Variants in SLC36A3 observed in about 807,000 individuals in gnomAD.
SLC36A3 encodes proton-coupled amino acid transporter 3.
A neutral mutation model predicts 44.3 loss-of-function variants in SLC36A3; 35 were observed. The observed-to-expected ratio is 0.79, with a 90% CI of 0.60 to 1.05. The LOEUF is 1.05. Ranked by LOEUF, SLC36A3 falls within the 50% of genes least tolerant of loss-of-function variation. The pLI is 0.00. For synonymous variants in SLC36A3, 211 were observed against 227.6 expected (o/e 0.93, Z 0.66); for missense variants, 540 against 578.7 (o/e 0.93, Z 0.69).
intron 3 of SLC36A3, 22 bp from the exon 4 acceptor site, chr5:151,293,481 T>C (rs1430846151): frequency 1.9e-6 from 3 of 1,583,300 alleles, no homozygotes; most frequent in Non-Finnish European, 2.6e-6. Flanking sequence ...GAACAAACAA[T>C]GCATAATTTA....
At position 151,277,192 on chromosome 5, in the gene SLC36A3, C is replaced by T. The variant is rs1425058813; in HGVS notation, c.*201G>A. On this transcript the variant is annotated 3_prime_UTR_variant, in exon 10 of 10. Transcript: ENST00000335230. ...ATTTTGGTTCAGAGGTACAAAAGGC[C>T]ATCCAAAAAATATAAAACCAAAAGA... is the stretch of plus-strand genomic sequence containing the variant. 3 of 674,406 alleles carry T rather than the reference C, an allele frequency of 4.4e-6. No homozygotes were observed. The African/African-American group carries it at 5.4e-5, about 12-fold the overall frequency. 41.8% of individuals were successfully genotyped at this position (674,406 alleles called of 1,614,324 possible).
At chr5:151,281,830 A>C (rs1754329148) in intron 8 of SLC36A3, among the ~76,000 whole-genome samples, 1 of 152,158 alleles carries the variant, frequency 6.6e-6, no homozygotes, top group Admixed American at 6.5e-5. Flanking sequence ...TCAAACAAAC[A>C]AACAAAAAAG....
At chr5:151,300,584 T>C (rs971388208) in intron 1 of SLC36A3, among the ~76,000 whole-genome samples, 3 of 152,202 alleles carry the variant, frequency 2.0e-5, no homozygotes, top group Non-Finnish European at 2.9e-5. Flanking sequence ...CATGACAGCA[T>C]CGATGTCTTG....
chr5:151,299,705 C>T (rs143668875), intron 1 of SLC36A3, among the ~76,000 whole-genome samples: 86 of 152,218 alleles, frequency 5.6e-4, no homozygotes, highest in African/African-American at 2.0e-3. Flanking sequence ...CCAGCTCTGC[C>T]GCTAACCTAC....
At chr5:151,302,172 A>C (rs564664285) in intron 1 of SLC36A3, among the ~76,000 whole-genome samples, 12 of 152,368 alleles carry the variant, frequency 7.9e-5, no homozygotes, top group Admixed American at 7.8e-4. Flanking sequence ...TTGCCAAATA[A>C]ATATTTGTAT....
In SLC36A3 at chr5:151,277,293, A is replaced by C. The variant is rs1038702863; in HGVS notation, c.*100T>G. ...TGGAAAGATAAAGACGCCACTAATT[A>C]ATATAGAGATGTTGGGATTTGATGA... is the stretch of plus-strand genomic sequence containing the variant. On this transcript the variant is annotated 3_prime_UTR_variant, in exon 10 of 10. Transcript: ENST00000335230. 7.7e-6 allele frequency: 11 copies of C among 1,437,246 alleles called. No homozygotes were observed. Among genetic ancestry groups the C allele is most frequent in the African/African-American group, 2.9e-5 (2 of 70,160 alleles). 89.0% of individuals were successfully genotyped at this position (1,437,246 alleles called of 1,614,324 possible).
Position 151,288,426 on chromosome 5 carries a change from C to T in SLC36A3, c.449G>A (p.Cys150Tyr), listed in dbSNP as rs77996853. 2 of 1,601,334 alleles carry T rather than the reference C, an allele frequency of 1.2e-6. No individual in the cohort carries two copies. Among genetic ancestry groups the T allele is most frequent in the Non-Finnish European group, 8.5e-7 (1 of 1,173,706 alleles). Residue 150 changes from cysteine (C) to tyrosine (Y), a missense_variant, in exon 5 of 10, where the codon TGC becomes TAC. By Grantham distance (194) the Cys-to-Tyr change is radical (BLOSUM62 -2). Coordinates refer to ENST00000335230, the MANE Select transcript of SLC36A3 (RefSeq NM_181774.4). Reference sequence around the variant, plus strand: ...TGCCATAAACATAAAATAAACACTGCAGAAGCCCAGCTGGGTGATGACTAA... The same window carrying T: ...TGCCATAAACATAAAATAAACACTGTAGAAGCCCAGCTGGGTGATGACTAA... Reference protein sequence around the residue: ...FLLVITQLGFCSVYFMFMADN... With the variant: ...FLLVITQLGFYSVYFMFMADN...
intron 6 of SLC36A3, among the ~76,000 whole-genome samples, chr5:151,286,597 T>G (rs1389272554): frequency 6.6e-6 from 1 of 152,232 alleles, no homozygotes; most frequent in Non-Finnish European, 1.5e-5. Context: ...TGGCCAATAG[T>G]TGTTAGACCT....
At chr5:151,302,956 A>T (rs1755214931) in intron 1 of SLC36A3, among the ~76,000 whole-genome samples, 1 of 152,134 alleles carries the variant, frequency 6.6e-6, no homozygotes, top group Non-Finnish European at 1.5e-5. Flanking sequence ...AAGGGCAGAC[A>T]GCCTGAGATA....
chr5:151,293,447 A>G lies in SLC36A3; in HGVS notation c.321T>C (p.Thr107=), dbSNP rs1405850459. The G allele has an allele frequency of 1.2e-6, 2 of 1,612,688 alleles. No homozygotes were observed. The highest frequency in any genetic ancestry group is 2.7e-5 in the African/African-American group (2 of 74,918). Residue 107 remains threonine, a synonymous_variant, in exon 4 of 10, where the codon ACT becomes ACC. Transcript: ENST00000335230. The part of the protein sequence containing the change: ...AQHLSQRLQK[T]FVNYGEATMY... ...TCGTGGCCTCTCCATAGTTCACAAA[A>G]GTCTTCTGCAGTCTAGGGGGAAAGA...
At chr5:151,294,501 T>G (rs553141274) in intron 3 of SLC36A3, among the ~76,000 whole-genome samples, 1 of 152,288 alleles carries the variant, frequency 6.6e-6, no homozygotes, top group South Asian at 2.1e-4. Context: ...GCTCAGGAGT[T>G]GCCTCTAGAA....
intron 1 of SLC36A3, among the ~76,000 whole-genome samples, chr5:151,301,686 G>A (rs191083187): frequency 2.7e-4 from 41 of 150,010 alleles, no homozygotes; most frequent in African/African-American, 7.4e-4. Context: ...AGCTGAGATC[G>A]CGCCACTGCA....
In SLC36A3 at chr5:151,287,316, G is replaced by T. The variant is rs757159762; in HGVS notation, c.638C>A (p.Ser213Tyr). The T allele has an allele frequency of 1.2e-6, 2 of 1,614,174 alleles. No individual in the cohort carries two copies. Among genetic ancestry groups the T allele is most frequent in the South Asian group, 2.2e-5 (2 of 91,076 alleles). ...LVFIQNLKVL[S>Y]VFSTLANITT... is the part of the protein sequence containing the mutation. ...GATGTTGGCCAATGTCGAGAAGACG[G>T]ACAGCACCTTGAGGTTCTGGATAAA... The change falls in exon 6 of 10, where the codon TCC (serine) becomes TAC (tyrosine). Residue 213 changes from serine to tyrosine, a missense_variant. Transcript: ENST00000335230.
intron 7 of SLC36A3, 99 bp downstream of exon 7, chr5:151,284,514 G>A (rs1754455716): frequency 6.3e-6 from 6 of 957,764 alleles, no homozygotes; most frequent in Non-Finnish European, 7.9e-6. Flanking sequence ...ATCAGAGTCT[G>A]CACCTTTTCA....
At chr5:151,280,074 A>C (rs1331896854) in intron 9 of SLC36A3, among the ~76,000 whole-genome samples, 1 of 152,220 alleles carries the variant, frequency 6.6e-6, no homozygotes. Context: ...TTTCCCAAAC[A>C]CTACAACAGT....
chr5:151,290,491 C>A (rs1754717171), intron 4 of SLC36A3, among the ~76,000 whole-genome samples: 1 of 152,212 alleles, frequency 6.6e-6, no homozygotes, highest in African/African-American at 2.4e-5. Flanking sequence ...CCAGCTTCAA[C>A]AATGAACTTT....
At chr5:151,301,241 C>A (rs1262228864) in intron 1 of SLC36A3, among the ~76,000 whole-genome samples, 2 of 152,182 alleles carry the variant, frequency 1.3e-5, no homozygotes, top group South Asian at 4.1e-4. Flanking sequence ...AAAAAGACCC[C>A]CTTTTTGCCT....
intron 2 of SLC36A3, 23 bp from the exon 3 acceptor site, chr5:151,296,291 G>A (rs1754957855): frequency 3.1e-6 from 5 of 1,601,046 alleles, no homozygotes; most frequent in Non-Finnish European, 4.3e-6. Flanking sequence ...GGAGAAAGGG[G>A]GAAGTGAGCC....
intron 8 of SLC36A3, among the ~76,000 whole-genome samples, chr5:151,282,420 G>A (rs1167708817): frequency 6.6e-6 from 1 of 151,934 alleles, no homozygotes; most frequent in Non-Finnish European, 1.5e-5. Context: ...CGCCCTCCTC[G>A]GCCTCCCAAA....
Sources: gnomAD v4.1 joint callset for allele counts (sites outside exome capture counted in the v4.1 genomes callset) on GRCh38, gnomAD v4.1.1 for gene constraint, MANE v1.5 for transcripts, NCBI Gene and HGNC (gene_info 2026-07-23, HGNC 2026-07-21) for gene names.